Variants in SH3GL3 observed in about 807,000 individuals in gnomAD.
SH3GL3 encodes the protein SH3 domain containing GRB2 like 3, endophilin A3, also known as endophilin-A3.
Under a neutral mutation model 47.7 loss-of-function variants are expected in SH3GL3, and 33 were observed. The ratio of observed to expected loss-of-function variants is 0.69; its 90% CI spans 0.52 to 0.92. The LOEUF is 0.92. SH3GL3 is among the 40% of genes least tolerant of loss of function. The pLI is 0.00. For synonymous variants in SH3GL3, 155 were observed against 148.8 expected, an observed-to-expected ratio of 1.04 and a Z score of -0.30; for missense variants, 363 against 417.8, an observed-to-expected ratio of 0.87 and a Z score of 1.14.
intron 1 of SH3GL3, among the ~76,000 whole-genome samples, chr15:83,462,967 T>C (rs1164813706): frequency 6.6e-6 from 1 of 152,178 alleles, no homozygotes; most frequent in Non-Finnish European, 1.5e-5. Context: ...GAATACAGGC[T>C]GATCAATCTT....
At chr15:83,501,970 C>T (rs1160620016) in intron 1 of SH3GL3, among the ~76,000 whole-genome samples, 1 of 152,158 alleles carries the variant, frequency 6.6e-6, no homozygotes, top group East Asian at 1.9e-4. Flanking sequence ...CCTAATAACC[C>T]ATTAGAAAAA....
intron 1 of SH3GL3, among the ~76,000 whole-genome samples, chr15:83,531,102 T>C (rs993054796): frequency 1.3e-5 from 2 of 152,260 alleles, no homozygotes; most frequent in Non-Finnish European, 2.9e-5. Context: ...ATTTCAGGGA[T>C]CCTTCAGTTC....
At chr15:83,565,457 G>A in intron 3 of SH3GL3, 4 of 411,840 alleles carry the variant, frequency 9.7e-6, no homozygotes, top group Non-Finnish European at 8.7e-6. Flanking sequence ...CAACAAGAGA[G>A]CACTGAGCAA....
intron 1 of SH3GL3, among the ~76,000 whole-genome samples, chr15:83,513,540 A>G (rs1213406636): frequency 6.6e-6 from 1 of 152,084 alleles, no homozygotes; most frequent in Non-Finnish European, 1.5e-5. Context: ...GACTTCCCAA[A>G]TGCTGCTTCA....
chr15:83,597,399 T>A (rs757500831), intron 8 of SH3GL3, among the ~76,000 whole-genome samples: 9 of 152,098 alleles, frequency 5.9e-5, no homozygotes, highest in Non-Finnish European at 1.2e-4. Context: ...CATCGTCACA[T>A]TCCCTTTCGC....
At chr15:83,616,506 T>C (rs1298240339) in intron 8 of SH3GL3, among the ~76,000 whole-genome samples, 1 of 152,160 alleles carries the variant, frequency 6.6e-6, no homozygotes, top group Non-Finnish European at 1.5e-5. Flanking sequence ...CCTCCCAAAG[T>C]GCTGGGATTA....
chr15:83,472,777 T>G (rs2040889419), intron 1 of SH3GL3, among the ~76,000 whole-genome samples: 1 of 152,170 alleles, frequency 6.6e-6, no homozygotes, highest in African/African-American at 2.4e-5. Context: ...AATCTGGGCA[T>G]TTGGGGCTAT....
intron 1 of SH3GL3, chr15:83,491,026 C>A: frequency 6.7e-7 from 1 of 1,499,770 alleles, no homozygotes; most frequent in Non-Finnish European, 9.0e-7. Flanking sequence ...AAGTGGGAAG[C>A]CTTGTATTAG....
intron 1 of SH3GL3, among the ~76,000 whole-genome samples, chr15:83,529,941 ACAG>A (rs2043595518): frequency 1.3e-5 from 2 of 152,270 alleles, no homozygotes; most frequent in East Asian, 3.9e-4. Flanking sequence ...TTTCAGCAGC[ACAG>A]CAGCAGCTTC....
At chr15:83,461,047 C>T (rs1406380275) in intron 1 of SH3GL3, among the ~76,000 whole-genome samples, 1 of 151,304 alleles carries the variant, frequency 6.6e-6, no homozygotes, top group Non-Finnish European at 1.5e-5. Flanking sequence ...CACGCCACTG[C>T]ACTTCAGCCT....
chr15:83,632,269 TC>T, the SH3GL3 span, among the ~76,000 whole-genome samples: 1 of 152,220 alleles, frequency 6.6e-6, no homozygotes, highest in Non-Finnish European at 1.5e-5. Flanking sequence ...TCCAAACTGT[TC>T]CAACCCCTGC....
chr15:83,529,268 C>T (rs1449294519), intron 1 of SH3GL3, among the ~76,000 whole-genome samples: 1 of 152,160 alleles, frequency 6.6e-6, no homozygotes, highest in African/African-American at 2.4e-5. Context: ...GTTAGCAGAT[C>T]CAGGCAGGCT....
chr15:83,602,163 T>A (rs1828358481), intron 8 of SH3GL3, among the ~76,000 whole-genome samples: 1 of 151,990 alleles, frequency 6.6e-6, no homozygotes, highest in South Asian at 2.1e-4. Flanking sequence ...GAACAAACAT[T>A]TAGGTTAGAT....
At chr15:83,522,891 T>G (rs141511698) in intron 1 of SH3GL3, among the ~76,000 whole-genome samples, 32 of 152,216 alleles carry the variant, frequency 2.1e-4, no homozygotes, top group African/African-American at 7.0e-4. Flanking sequence ...TCCTAAATCA[T>G]AGACATGGTC....
At chr15:83,570,277 G>A (rs1439142632) in intron 4 of SH3GL3, among the ~76,000 whole-genome samples, 1 of 152,032 alleles carries the variant, frequency 6.6e-6, no homozygotes, top group Non-Finnish European at 1.5e-5. Flanking sequence ...CTGATGATTT[G>A]AAATGATTCT....
intron 1 of SH3GL3, among the ~76,000 whole-genome samples, chr15:83,556,160 G>A (rs2151734604): frequency 7.1e-6 from 1 of 141,686 alleles, no homozygotes; most frequent in East Asian, 2.0e-4. Context: ...GAGGCCAGGT[G>A]CCCTGTAGGA....
At chr15:83,480,527 C>T (rs934202360) in intron 1 of SH3GL3, among the ~76,000 whole-genome samples, 10 of 152,308 alleles carry the variant, frequency 6.6e-5, no homozygotes, top group African/African-American at 2.4e-4. Flanking sequence ...GCTCGGGCCT[C>T]CCCTCTGCTC....
intron 1 of SH3GL3, among the ~76,000 whole-genome samples, chr15:83,474,659 G>T (rs1286241933): frequency 6.6e-6 from 1 of 152,088 alleles, no homozygotes; most frequent in Non-Finnish European, 1.5e-5. Context: ...GCTGCATATG[G>T]TCTCTGTAGA....
chr15:83,629,147 C>T, the SH3GL3 span, among the ~76,000 whole-genome samples: 5 of 152,204 alleles, frequency 3.3e-5, no homozygotes, highest in Non-Finnish European at 4.4e-5. Context: ...ACTATCCATT[C>T]GTGCTAAATT....
Sources: allele counts gnomAD v4.1 joint callset (sites outside exome capture counted in the v4.1 genomes callset), GRCh38; gene constraint gnomAD v4.1.1; transcripts MANE v1.5; gene names NCBI Gene and HGNC (gene_info 2026-07-23, HGNC 2026-07-21).